The following CD59 variants were observed in gnomAD, a reference collection of about 807,000 sequenced individuals.
The protein encoded by CD59 is CD59 molecule (CD59 blood group).
In CD59, 3 loss-of-function variants were observed where a neutral mutation model predicts 7.0. That is an observed-to-expected ratio of 0.43 (90% CI 0.19 to 1.10). The LOEUF (loss-of-function observed/expected upper bound fraction) is 1.10, where lower values mean the gene tolerates loss of function less well. Among genes scored for constraint, CD59 ranks in the 50% least tolerant of loss-of-function variants. CD59 has a pLI of 0.29. For missense variants in CD59, 143 were observed against 151.0 expected (o/e 0.95, Z 0.28); for synonymous variants, 60 against 62.0 (o/e 0.97, Z 0.15).
At chr11:33,735,047 A>G (rs549618690) in intron 1 of CD59, among the ~76,000 whole-genome samples, 15 of 152,290 alleles carry the variant, frequency 9.8e-5, no homozygotes, top group African/African-American at 3.4e-4. Context: ...AAGTTTTAGG[A>G]CTGTTTGGCT....
intron 3 of CD59, among the ~76,000 whole-genome samples, chr11:33,712,735 A>C (rs1368394392): frequency 6.6e-6 from 1 of 152,258 alleles, no homozygotes; most frequent in Non-Finnish European, 1.5e-5. Context: ...AAATATACTA[A>C]GAGCCACTGA....
rs1853311482 is a variant in CD59, at chr11:33,706,515, G to A, written c.*3611C>T. On this transcript the variant is annotated 3_prime_UTR_variant, in exon 4 of 4. Transcript: ENST00000642928. ...ATCTCAAGCCTCACAACAATTCTTTGAGGTAGACATAGAAAGTGAAAGTTC... is the reference window on the plus strand; with the variant it reads ...ATCTCAAGCCTCACAACAATTCTTTAAGGTAGACATAGAAAGTGAAAGTTC... The A allele has an allele frequency of 1.4e-5, 2 of 147,028 alleles. No individual in the cohort carries two copies. Among genetic ancestry groups the A allele is most frequent in the African/African-American group, 5.0e-5 (2 of 39,636 alleles). The allele number at this position is 147,028 out of a possible 1,614,324, so 9.1% of individuals were successfully genotyped here.
chr11:33,722,279 A>G, intron 2 of CD59, 100 bp downstream of exon 2: 1 of 888,862 alleles, frequency 1.1e-6, no homozygotes, highest in Non-Finnish European at 1.9e-6. Flanking sequence ...AAAGAACCAA[A>G]GCCAGGCCTG....
At chr11:33,711,619 G>A in intron 3 of CD59, 1 of 553,826 alleles carries the variant, frequency 1.8e-6, no homozygotes, top group South Asian at 2.4e-5. Flanking sequence ...TAAGGCTGCA[G>A]TGAGCTATGA....
chr11:33,721,665 GA>G (rs556364794), intron 2 of CD59, among the ~76,000 whole-genome samples: 168 of 152,332 alleles, frequency 1.1e-3, no homozygotes, highest in African/African-American at 3.9e-3. Flanking sequence ...GCAACCAGGG[GA>G]GGGGTGGCTG....
At chr11:33,711,343 A>T (rs976231977) in intron 3 of CD59, 6 of 697,870 alleles carry the variant, frequency 8.6e-6, no homozygotes, top group African/African-American at 1.8e-5. Flanking sequence ...AGTATCCAGG[A>T]TATAGAAAAC....
chr11:33,724,259 T>C (rs557980207), intron 1 of CD59, among the ~76,000 whole-genome samples: 1 of 152,372 alleles, frequency 6.6e-6, no homozygotes, highest in South Asian at 2.1e-4. Flanking sequence ...GGAATGGTCC[T>C]TGACATAAAT....
intron 1 of CD59, among the ~76,000 whole-genome samples, chr11:33,731,639 T>C (rs915613627): frequency 3.3e-5 from 5 of 152,240 alleles, no homozygotes; most frequent in Admixed American, 2.6e-4. Flanking sequence ...ACTCAGGTGC[T>C]GCGTTTCTGC....
intron 3 of CD59, among the ~76,000 whole-genome samples, chr11:33,712,502 T>C (rs1336584627): frequency 6.6e-6 from 1 of 152,166 alleles, no homozygotes; most frequent in Non-Finnish European, 1.5e-5. Context: ...CTTGGAAACA[T>C]TATGTTTAGT....
chr11:33,712,592 A>G (rs531259506), intron 3 of CD59, among the ~76,000 whole-genome samples: 69 of 152,362 alleles, frequency 4.5e-4, no homozygotes, highest in Non-Finnish European at 7.6e-4. Context: ...CAAATCTATG[A>G]AGACAGAAAG....
chr11:33,722,348 T>G (rs1183850576), intron 2 of CD59, 31 bp downstream of exon 2: 1 of 1,516,010 alleles, frequency 6.6e-7, no homozygotes, highest in Non-Finnish European at 9.2e-7. Context: ...CAAGGCAGCC[T>G]AGATCCATGT....
At chr11:33,714,672 TTTTC>T (rs1247742352) in intron 3 of CD59, among the ~76,000 whole-genome samples, 16 of 152,176 alleles carry the variant, frequency 1.1e-4, no homozygotes, top group African/African-American at 3.9e-4. Context: ...CACAAAAATA[TTTTC>T]TTTCTATTCT....
intron 1 of CD59, among the ~76,000 whole-genome samples, chr11:33,734,377 C>G (rs548339876): frequency 6.6e-6 from 1 of 152,316 alleles, no homozygotes; most frequent in South Asian, 2.1e-4. Context: ...CATAGGTAAA[C>G]GTGTACCATG....
intron 1 of CD59, among the ~76,000 whole-genome samples, chr11:33,726,869 A>C (rs968052755): frequency 1.3e-5 from 2 of 152,228 alleles, no homozygotes; most frequent in Admixed American, 1.3e-4. Context: ...AGAAATACAA[A>C]CTACCATCAG....
chr11:33,732,377 T>C (rs1309278048), intron 1 of CD59, among the ~76,000 whole-genome samples: 1 of 151,656 alleles, frequency 6.6e-6, no homozygotes, highest in Non-Finnish European at 1.5e-5. Context: ...TGTGTAGCAC[T>C]TCCCCCTTTG....
intron 3 of CD59, among the ~76,000 whole-genome samples, chr11:33,714,716 T>A (rs1012716812): frequency 3.9e-5 from 6 of 152,162 alleles, no homozygotes; most frequent in Non-Finnish European, 5.9e-5. Context: ...TTTAAAAAAA[T>A]TTTTAAAAAC....
chr11:33,727,451 C>G (rs1096562), intron 1 of CD59, among the ~76,000 whole-genome samples: 151,597 of 152,346 alleles, frequency 1, 75,426 homozygotes, highest in Middle Eastern at 1. Flanking sequence ...ACACAGAAAA[C>G]GCCTTCAACA....
rs1359777917 is a variant in CD59, at chr11:33,706,598, T to C, written c.*3528A>G. ...CTTGTCCAGAGACATAGCCAATTAG[T>C]GGAAGAGGGTTTGAACCCAGGTTCC... On this transcript the variant is annotated 3_prime_UTR_variant, in exon 4 of 4. Coordinates refer to ENST00000642928, the MANE Select transcript of CD59 (RefSeq NM_000611.6). The C allele has an allele frequency of 6.7e-6, 1 of 149,220 alleles. No individual in the cohort carries two copies. The highest frequency in any genetic ancestry group is 6.7e-5 in the Admixed American group (1 of 14,994). The allele number at this position is 149,220 out of a possible 1,614,324, so 9.2% of individuals were successfully genotyped here. A position where few individuals can be genotyped will look rare whatever the true frequency, so the allele number is the denominator to read the frequency against.
intron 1 of CD59, among the ~76,000 whole-genome samples, chr11:33,733,807 G>C (rs1738546): frequency 0.35 from 52,447 of 152,020 alleles, 9,285 homozygotes; most frequent in Middle Eastern, 0.54. Flanking sequence ...TTAGAGAAGA[G>C]AGTTGACATC....
Sources: allele counts gnomAD v4.1 joint callset (sites outside exome capture counted in the v4.1 genomes callset), GRCh38; gene constraint gnomAD v4.1.1; transcripts MANE v1.5; gene names NCBI Gene and HGNC (gene_info 2026-07-23, HGNC 2026-07-21).